MAP3K15: variants seen among roughly 807,000 people sequenced by gnomAD.
MAP3K15 encodes the protein MAPK/ERK kinase kinase 15.
Under a neutral mutation model 99.5 loss-of-function variants are expected in MAP3K15, and 124 were observed. That is an observed-to-expected ratio of 1.25 (90% confidence interval 1.08 to 1.45). The LOEUF is 1.45. Ranked by LOEUF, MAP3K15 falls within the 40% of genes most tolerant of loss-of-function variation. The probability of loss-of-function intolerance (pLI) is 0.00; values close to 1 mark genes in which losing one functional copy is unlikely to be tolerated. For synonymous variants in MAP3K15, 494 were observed against 439.6 expected (o/e 1.12, Z -1.55); for missense variants, 1,242 against 1,079.7 (o/e 1.15, Z -2.11).
chrX:19,460,442 G>A (rs1439050653), intron 4 of MAP3K15, among the ~76,000 whole-genome samples: 2 of 112,271 alleles, frequency 1.8e-5, no homozygotes, highest in Non-Finnish European at 3.8e-5. Context: ...CAAACCCACT[G>A]TCTCCGGCAT....
intron 6 of MAP3K15, among the ~76,000 whole-genome samples, chrX:19,442,111 G>C: frequency 9.0e-6 from 1 of 111,418 alleles, no homozygotes; most frequent in East Asian, 2.8e-4. Context: ...CCTCGGTCAG[G>C]AAGATCTGTT....
At chrX:19,457,607 G>A (rs775099016) in intron 5 of MAP3K15, among the ~76,000 whole-genome samples, 4 of 111,899 alleles carry the variant, frequency 3.6e-5, no homozygotes, top group African/African-American at 6.5e-5. Flanking sequence ...GCAAGACTCC[G>A]TCTGTCTCAA....
intron 7 of MAP3K15, among the ~76,000 whole-genome samples, chrX:19,428,689 G>A (rs763546783): frequency 3.6e-5 from 4 of 112,137 alleles, no homozygotes; most frequent in Admixed American, 1.9e-4. Context: ...AAATGAGGCC[G>A]GGTGTGGTGG....
rs183864878 is a variant in MAP3K15, at chrX:19,401,047, A to G, written c.1845-384T>C. Among the ~76,000 whole-genome samples, 40 of 110,987 alleles carry G rather than the reference A, an allele frequency of 3.6e-4. No individual in the cohort carries two copies. The East Asian group carries it at 9.3e-3, about 26-fold the overall frequency. On this transcript the variant is annotated intron_variant, in intron 13 of 28. Transcript: ENST00000338883. The stretch of plus-strand genomic sequence containing the variant: ...ATCCACAGTTTGCTTAGAATTAACC[A>G]TTTTTCTACTTAACACCCCATTAGA...
intron 6 of MAP3K15, among the ~76,000 whole-genome samples, chrX:19,447,020 C>T (rs1442680840): frequency 9.0e-6 from 1 of 110,921 alleles, no homozygotes; most frequent in Non-Finnish European, 1.9e-5. Flanking sequence ...GGCTCATGCG[C>T]TACTCCTGCC....
chrX:19,433,417 G>C (rs1193041634), intron 6 of MAP3K15, among the ~76,000 whole-genome samples: 3 of 110,988 alleles, frequency 2.7e-5, no homozygotes, highest in African/African-American at 9.8e-5. Flanking sequence ...TTCTTTTTTT[G>C]AACTGGGAAA....
chrX:19,453,352 T>C (rs1334781711), intron 6 of MAP3K15, among the ~76,000 whole-genome samples: 7 of 109,424 alleles, frequency 6.4e-5, no homozygotes, highest in Non-Finnish European at 1.1e-4. Context: ...ATACAAATAT[T>C]AGCCAGGCGT....
At chrX:19,423,412 T>C (rs1033858821) in intron 9 of MAP3K15, among the ~76,000 whole-genome samples, 4 of 107,990 alleles carry the variant, frequency 3.7e-5, no homozygotes, top group African/African-American at 1.4e-4. Context: ...ACTAGGTAGA[T>C]TTTGATGTTA....
chrX:19,451,061 G>A lies in MAP3K15; in HGVS notation c.995+5852C>T, dbSNP rs1200582965. ...GGCACTTTGGGAAGCCGAGGCAGGT[G>A]GATTACTTGAGGTCAGGAGTTCGAG... On this transcript the variant is annotated intron_variant, in intron 6 of 28. Transcript: ENST00000338883. Among the ~76,000 whole-genome samples the A allele has an allele frequency of 8.3e-5, 9 of 108,778 alleles. No individual in the cohort carries two copies. The Admixed American group carries it at 8.8e-4, about 11-fold the overall frequency. The allele number at this position is 108,778 out of a possible 115,157, so 94.5% of individuals were successfully genotyped here.
chrX:19,495,436 C>T (rs1370923194), intron 1 of MAP3K15, among the ~76,000 whole-genome samples: 2 of 111,608 alleles, frequency 1.8e-5, no homozygotes, highest in Admixed American at 9.6e-5. Context: ...CCTGGGGGAT[C>T]GAGTTTTAAC....
At chrX:19,459,142 C>T (rs1031619583) in intron 5 of MAP3K15, among the ~76,000 whole-genome samples, 1 of 111,470 alleles carries the variant, frequency 9.0e-6, no homozygotes, top group Non-Finnish European at 1.9e-5. Flanking sequence ...GTGACAAAAG[C>T]CTAAAGGAAG....
Position 19,416,401 on chromosome X carries a change from T to G in MAP3K15, c.1440-1144A>C, listed in dbSNP as rs923826407. On this transcript the variant is annotated intron_variant, in intron 9 of 28. Transcript: ENST00000338883. ...ATCATTTTTGCATGAGAAGTTCGTC[T>G]CTCCAGTAAATTGCAGATCATAGTA... 2.7e-5 allele frequency among the ~76,000 whole-genome samples: 3 copies of G among 111,159 alleles called. No homozygotes were observed. The Admixed American group carries it at 2.9e-4, about 11-fold the overall frequency.
chrX:19,375,829 G>A (rs1355315747), intron 19 of MAP3K15, among the ~76,000 whole-genome samples: 1 of 112,445 alleles, frequency 8.9e-6, no homozygotes, highest in African/African-American at 3.2e-5. Context: ...TTCCAACACA[G>A]CGCTCCTCCT....
intron 7 of MAP3K15, among the ~76,000 whole-genome samples, chrX:19,429,816 GA>G (rs2063866631): frequency 1.1e-5 from 1 of 94,661 alleles, no homozygotes; most frequent in Non-Finnish European, 2.0e-5. Flanking sequence ...GAGAGAGAGA[GA>G]GAGAGGAAGC....
intron 1 of MAP3K15, among the ~76,000 whole-genome samples, chrX:19,508,169 G>A (rs73193543): frequency 0.024 from 2,659 of 111,173 alleles, 38 homozygotes; most frequent in Non-Finnish European, 0.04. Context: ...CGCCCAGCCA[G>A]GATATTGGTT....
chrX:19,370,911 A>G (rs1002234962), intron 24 of MAP3K15, 48 bp downstream of exon 24: 2 of 938,021 alleles, frequency 2.1e-6, no homozygotes, highest in Non-Finnish European at 3.0e-6. Flanking sequence ...GATATTTCTT[A>G]TCTTTTCACG....
chrX:19,411,902 ACT>A (rs1399446108), intron 11 of MAP3K15, among the ~76,000 whole-genome samples: 1 of 111,941 alleles, frequency 8.9e-6, no homozygotes, highest in Non-Finnish European at 1.9e-5. Flanking sequence ...GTCAGCTTTG[ACT>A]CTGCGTGAGA....
intron 6 of MAP3K15, among the ~76,000 whole-genome samples, chrX:19,451,083 C>T (rs1477306267): frequency 4.6e-5 from 5 of 108,076 alleles, no homozygotes; most frequent in Non-Finnish European, 7.8e-5. Flanking sequence ...GTCAGGAGTT[C>T]GAGACCAGCC....
intron 18 of MAP3K15, among the ~76,000 whole-genome samples, chrX:19,385,122 G>A (rs886209555): frequency 3.6e-5 from 4 of 111,725 alleles, no homozygotes; most frequent in East Asian, 5.6e-4. Flanking sequence ...GTCTTACAGC[G>A]TTTCTAAGGG....
Sources: gnomAD v4.1 joint callset for allele counts (sites outside exome capture counted in the v4.1 genomes callset) on GRCh38, gnomAD v4.1.1 for gene constraint, MANE v1.5 for transcripts, NCBI Gene and HGNC (gene_info 2026-07-23, HGNC 2026-07-21) for gene names.